The following SORCS2 variants were observed in gnomAD, a reference collection of about 807,000 sequenced individuals.
The protein encoded by SORCS2 is VPS10 domain-containing receptor SorCS2.
In SORCS2, 100 loss-of-function variants were observed where a neutral mutation model predicts 141.6. The ratio of observed to expected loss-of-function variants is 0.71; its 90% CI spans 0.60 to 0.83. The LOEUF is 0.83. SORCS2 is among the 40% of genes least tolerant of loss of function. The probability of loss-of-function intolerance (pLI) is 0.00; values close to 1 mark genes in which losing one functional copy is unlikely to be tolerated. For synonymous variants in SORCS2, 789 were observed against 676.9 expected (o/e 1.17, Z -2.57); for missense variants, 1,646 against 1,560.2 (o/e 1.05, Z -0.93).
chr4:7,714,827 C>G (rs2285782), intron 16 of SORCS2, among the ~76,000 whole-genome samples: 103,588 of 152,006 alleles, frequency 0.68, 35,665 homozygotes, highest in African/African-American at 0.76. Flanking sequence ...CTCATCATGC[C>G]CCCTGGCATT....
chr4:7,553,648 G>A (rs1713892383), intron 3 of SORCS2, among the ~76,000 whole-genome samples: 1 of 152,248 alleles, frequency 6.6e-6, no homozygotes, highest in African/African-American at 2.4e-5. Flanking sequence ...ACGAGCCCAG[G>A]TATGGATGGA....
intron 2 of SORCS2, among the ~76,000 whole-genome samples, chr4:7,404,710 G>A (rs895033710): frequency 8.6e-5 from 13 of 151,848 alleles, no homozygotes; most frequent in Non-Finnish European, 1.0e-4. Flanking sequence ...TTTGTTTTTT[G>A]TTGTTGTTGA....
chr4:7,627,244 C>T (rs114525052), intron 3 of SORCS2, among the ~76,000 whole-genome samples: 1,798 of 152,314 alleles, frequency 0.012, 13 homozygotes, highest in Middle Eastern at 0.017. Flanking sequence ...CTCGGCCTCT[C>T]AAAATGCTGG....
At chr4:7,709,955 G>T (rs182975882) in intron 14 of SORCS2, among the ~76,000 whole-genome samples, 23 of 152,288 alleles carry the variant, frequency 1.5e-4, no homozygotes, top group African/African-American at 5.5e-4. Context: ...TACCTGCAAA[G>T]TAATATCTAG....
intron 1 of SORCS2, among the ~76,000 whole-genome samples, chr4:7,326,029 C>T (rs1466684797): frequency 6.6e-6 from 1 of 151,906 alleles, no homozygotes; most frequent in Non-Finnish European, 1.5e-5. Context: ...TTTTGATGTT[C>T]CAGTGGATTT....
chr4:7,358,999 C>T (rs1403484311), intron 1 of SORCS2, among the ~76,000 whole-genome samples: 2 of 152,138 alleles, frequency 1.3e-5, no homozygotes, highest in Admixed American at 6.6e-5. Flanking sequence ...CCACAACACT[C>T]GGCTAATCAA....
At position 7,664,250 on chromosome 4, in the gene SORCS2, C is replaced by A; in HGVS notation, c.953-103C>A. Reference sequence around the variant, plus strand: ...TTTAGAATTCAAGCCCATGAAGCCACACCACAGCGGTATTGGAGGAAGATG... The same window carrying A: ...TTTAGAATTCAAGCCCATGAAGCCAAACCACAGCGGTATTGGAGGAAGATG... On this transcript the variant is annotated intron_variant, in intron 6 of 26. Coordinates refer to ENST00000507866, the MANE Select transcript of SORCS2 (RefSeq NM_020777.3). This position sits in a 1 kb window ranked among gnomAD's most constrained non-coding sequence, Gnocchi z 4.7. 1.1e-6 allele frequency: 1 copy of A among 894,776 alleles called. No homozygotes were observed. The highest frequency in any genetic ancestry group is 1.7e-6 in the Non-Finnish European group (1 of 585,160). The allele number at this position is 894,776 out of a possible 1,614,324, so 55.4% of individuals were successfully genotyped here. A position where few individuals can be genotyped will look rare whatever the true frequency, so the allele number is the denominator to read the frequency against.
rs989572292 is a variant in SORCS2 at position 7,258,448 on chromosome 4, C to T, written c.480+65322C>T. 8.5e-5 allele frequency among the ~76,000 whole-genome samples: 13 copies of T among 152,236 alleles called. 1 individual carries two copies. The highest frequency in any genetic ancestry group is 1.9e-4 in the Non-Finnish European group (13 of 68,042). ...TGCTGAGAATGATGGTTTCTAGCTT[C>T]ATCCATGTCCTGCAAAGGACATGAA... On this transcript the variant is annotated intron_variant, in intron 1 of 26. Coordinates refer to ENST00000507866, the MANE Select transcript of SORCS2 (RefSeq NM_020777.3).
chr4:7,223,846 A>T (rs981994453), intron 1 of SORCS2, among the ~76,000 whole-genome samples: 43 of 152,178 alleles, frequency 2.8e-4, no homozygotes, highest in African/African-American at 9.6e-4. Context: ...TGCCTGCCTC[A>T]TTCTGAAGTC....
At chr4:7,652,503 G>A (rs990961360) in intron 4 of SORCS2, among the ~76,000 whole-genome samples, 3 of 151,958 alleles carry the variant, frequency 2.0e-5, no homozygotes, top group African/African-American at 7.2e-5. Flanking sequence ...GTGGGCCCCC[G>A]ACCCCGCCCA....
chr4:7,642,472 T>G (rs1244761823), intron 4 of SORCS2, among the ~76,000 whole-genome samples: 1 of 152,224 alleles, frequency 6.6e-6, no homozygotes, highest in Non-Finnish European at 1.5e-5. Context: ...AAAGGCTTAG[T>G]TGCAGTTGTA....
intron 1 of SORCS2, among the ~76,000 whole-genome samples, chr4:7,376,647 A>T (rs771042323): frequency 6.6e-6 from 1 of 152,006 alleles, no homozygotes; most frequent in African/African-American, 2.4e-5. Flanking sequence ...ACTCAGGCAT[A>T]TTTTTTTCTG....
chr4:7,648,555 C>A lies in SORCS2; in HGVS notation c.814-5579C>A, dbSNP rs1721232682. On this transcript the variant is annotated intron_variant, in intron 4 of 26. Coordinates refer to ENST00000507866, the MANE Select transcript of SORCS2 (RefSeq NM_020777.3). The surrounding 1 kb of genome is among the most constrained non-coding windows in gnomAD (Gnocchi z 4.2). ...TGGGAACAAAACAGACCAACCCCTG[C>A]CCTCGTGGGGCCTCCTTTCTAGATG... 6.6e-6 allele frequency among the ~76,000 whole-genome samples: 1 copy of A among 152,110 alleles called. No homozygotes were observed. Among genetic ancestry groups the A allele is most frequent in the African/African-American group, 2.4e-5 (1 of 41,412 alleles).
At chr4:7,580,968 A>T (rs1716103495) in intron 3 of SORCS2, among the ~76,000 whole-genome samples, 1 of 152,180 alleles carries the variant, frequency 6.6e-6, no homozygotes. Context: ...TTTGTTTTAT[A>T]TACATTTTCT....
chr4:7,219,599 A>G (rs1191818455), intron 1 of SORCS2, among the ~76,000 whole-genome samples: 1 of 152,258 alleles, frequency 6.6e-6, no homozygotes, highest in African/African-American at 2.4e-5. Context: ...AGGAAGAAGT[A>G]CAGCAGGGGA....
chr4:7,705,261 A>C (rs1036059876), intron 14 of SORCS2, among the ~76,000 whole-genome samples: 1 of 152,088 alleles, frequency 6.6e-6, no homozygotes, highest in African/African-American at 2.4e-5. Flanking sequence ...AAGGGGCAGG[A>C]AGCCTCCGCC....
At chr4:7,611,275 G>A (rs1201021508) in intron 3 of SORCS2, among the ~76,000 whole-genome samples, 3 of 152,232 alleles carry the variant, frequency 2.0e-5, no homozygotes, top group African/African-American at 4.8e-5. Context: ...GCTGCAGCTT[G>A]GAAGTTAGCA....
At chr4:7,688,104 T>A (rs1723988784) in intron 10 of SORCS2, among the ~76,000 whole-genome samples, 1 of 152,198 alleles carries the variant, frequency 6.6e-6, no homozygotes, top group Non-Finnish European at 1.5e-5. Context: ...AACTTTTAAG[T>A]TAGAGTCACC....
At chr4:7,732,666 G>GACC (rs1205784790) in intron 23 of SORCS2, among the ~76,000 whole-genome samples, 3 of 152,016 alleles carry the variant, frequency 2.0e-5, no homozygotes, top group Non-Finnish European at 4.4e-5. Flanking sequence ...GGCCTTCCCT[G>GACC]ACCACCACTG....
Sources: allele counts gnomAD v4.1 joint callset (sites outside exome capture counted in the v4.1 genomes callset), GRCh38; gene constraint gnomAD v4.1.1; non-coding constraint Gnocchi (gnomAD v3.1); transcripts MANE v1.5; gene names NCBI Gene and HGNC (gene_info 2026-07-23, HGNC 2026-07-21).